The following DCAF4 variants were observed in gnomAD, a reference collection of about 807,000 sequenced individuals.
DCAF4 encodes DDB1- and CUL4-associated factor 4.
In DCAF4, 37 loss-of-function variants were observed where a neutral mutation model predicts 60.9. The ratio of observed to expected loss-of-function variants is 0.61; its 90% CI spans 0.47 to 0.80. The LOEUF is 0.80. Among genes scored for constraint, DCAF4 ranks in the 30% least tolerant of loss-of-function variants. The pLI is 0.00. For missense variants in DCAF4, 577 were observed against 650.0 expected (o/e 0.89, Z 1.22); for synonymous variants, 243 against 254.8 (o/e 0.95, Z 0.44).
intron 3 of DCAF4, 57 bp from the exon 4 acceptor site, chr14:72,940,163 C>T: frequency 6.2e-7 from 1 of 1,605,094 alleles, no homozygotes. Context: ...GGGCGCCCAA[C>T]TCAGGTGGTC....
intron 8 of DCAF4, among the ~76,000 whole-genome samples, chr14:72,948,848 A>T (rs1891067920): frequency 6.6e-6 from 1 of 152,182 alleles, no homozygotes. Flanking sequence ...GGGAAGTTAG[A>T]TGGAATTCTT....
chr14:72,928,337 G>A (rs1887959222), intron 1 of DCAF4, among the ~76,000 whole-genome samples: 2 of 151,562 alleles, frequency 1.3e-5, no homozygotes, highest in Non-Finnish European at 2.9e-5. Context: ...GAGACTACGG[G>A]CGCACGCCAC....
intron 1 of DCAF4, chr14:72,930,000 C>T (rs1888323891): frequency 1.6e-6 from 1 of 629,312 alleles, no homozygotes; most frequent in Non-Finnish European, 2.8e-6. Flanking sequence ...GGTGTTGTGG[C>T]TCGTGCCTGT....
chr14:72,954,097 C>T (rs574091656), intron 9 of DCAF4, 67 bp from the exon 10 acceptor site: 71 of 1,556,654 alleles, frequency 4.6e-5, no homozygotes, highest in Non-Finnish European at 5.3e-5. Context: ...GGATGTTTTC[C>T]GAACCCAGTG....
intron 12 of DCAF4, 49 bp downstream of exon 12, chr14:72,955,745 C>T (rs773208130): frequency 1.9e-6 from 3 of 1,538,874 alleles, no homozygotes; most frequent in Admixed American, 3.6e-5. Flanking sequence ...TGGCCCAGTG[C>T]CCTGCCAGGT....
chr14:72,946,227 CAAAAAAAA>C (rs77222663), intron 7 of DCAF4, among the ~76,000 whole-genome samples, 200 bp downstream of exon 7: 7,149 of 69,968 alleles, frequency 0.1, 238 homozygotes, highest in Non-Finnish European at 0.14. Flanking sequence ...CTTGTCTCTA[CAAAAAAAA>C]AAAAAAAAAA....
chr14:72,957,220 A>T (rs1040211565), intron 13 of DCAF4: 1 of 152,268 alleles, frequency 6.6e-6, no homozygotes, highest in Non-Finnish European at 1.5e-5. Context: ...CAAAATAAAT[A>T]AATAAATAAA....
chr14:72,960,307 G>A (rs980390456), downstream of DCAF4, among the ~76,000 whole-genome samples: 2 of 151,808 alleles, frequency 1.3e-5, no homozygotes, highest in Non-Finnish European at 2.9e-5. Context: ...GTGCCACCAC[G>A]CCTGGCTAAT....
At position 72,958,657 on chromosome 14, in the gene DCAF4, G is replaced by T; in HGVS notation, c.1340G>T (p.Arg447Leu). The change falls in exon 14 of 14, where the codon CGC becomes CTC. Residue 447 changes from arginine to leucine, a missense_variant. Arg to Leu is a moderately radical substitution (Grantham distance 102). Coordinates refer to ENST00000358377, the MANE Select transcript of DCAF4 (RefSeq NM_015604.4). ...AGAATCTGGAGCCTCCACGATGCCC[G>T]CCTACTGAGAACCATACCCTCCCCG... Reference protein sequence around the residue: ...YTRIWSLHDARLLRTIPSPYP... With the variant: ...YTRIWSLHDALLLRTIPSPYP... 2 of 1,614,112 alleles carry T rather than the reference G, an allele frequency of 1.2e-6. No homozygotes were observed. Among genetic ancestry groups the T allele is most frequent in the Non-Finnish European group, 1.7e-6 (2 of 1,180,006 alleles).
intron 6 of DCAF4, among the ~76,000 whole-genome samples, chr14:72,943,872 G>A (rs1489257553): frequency 6.6e-6 from 1 of 152,160 alleles, no homozygotes; most frequent in Non-Finnish European, 1.5e-5. Context: ...GCTAGAGATT[G>A]ACCCTGGAGG....
At position 72,941,829 on chromosome 14, in the gene DCAF4, G is replaced by C; in HGVS notation, c.431+5G>C. 6.2e-7 allele frequency: 1 copy of C among 1,613,052 alleles called. No homozygotes were observed. The highest frequency in any genetic ancestry group is 8.5e-7 in the Non-Finnish European group (1 of 1,179,490). The stretch of plus-strand genomic sequence containing the variant: ...CAACGTCACCAATTACTGCCAGTAA[G>C]ACAATGCCTCTTTGTTATGTTTTCT... On this transcript the variant is annotated splice_donor_5th_base_variant and intron_variant, in intron 5 of 13. Coordinates refer to ENST00000358377, the MANE Select transcript of DCAF4 (RefSeq NM_015604.4).
At chr14:72,952,376 A>C (rs1402201684) in intron 9 of DCAF4, among the ~76,000 whole-genome samples, 3 of 152,162 alleles carry the variant, frequency 2.0e-5, no homozygotes, top group Non-Finnish European at 4.4e-5. Flanking sequence ...CCCCTTGCCA[A>C]CTTGAATGGA....
chr14:72,955,692 G>A lies in DCAF4; in HGVS notation c.1175G>A (p.Gly392Glu), dbSNP rs1334639536. The A allele has an allele frequency of 1.2e-6, 2 of 1,613,170 alleles. No individual in the cohort carries two copies. The highest frequency in any genetic ancestry group is 2.2e-5 in the East Asian group (1 of 44,858). The change falls in exon 12 of 14, where the codon GGA (glycine) becomes GAA (glutamate). Residue 392 changes from glycine (G) to glutamate (E), a missense_variant. Transcript: ENST00000358377. ...EQYLMASDMA[G>E]KIKLWDLRTT... is the part of the protein sequence containing the mutation. ...TACCTGATGGCTTCAGACATGGCTG[G>A]AAAGGTAGGGGATCATGGACTTTCT...
At chr14:72,953,835 C>G (rs1331393814) in intron 9 of DCAF4, among the ~76,000 whole-genome samples, 4 of 128,396 alleles carry the variant, frequency 3.1e-5, no homozygotes, top group African/African-American at 1.2e-4. Context: ...TGTGTATATA[C>G]ACACACACTT....
intron 8 of DCAF4, among the ~76,000 whole-genome samples, chr14:72,950,996 T>C (rs958711500): frequency 2.0e-5 from 3 of 151,978 alleles, no homozygotes; most frequent in African/African-American, 7.2e-5. Flanking sequence ...GTATTTTATT[T>C]TTGAGACATG....
chr14:72,953,732 A>AAAAAAAAAATATATATAT (rs1555527852), intron 9 of DCAF4, among the ~76,000 whole-genome samples: 2 of 21,778 alleles, frequency 9.2e-5, no homozygotes, highest in African/African-American at 2.3e-4. Flanking sequence ...AAAAAAAAAA[A>AAAAAAAAAATATATATAT]ATATATATAT....
chr14:72,957,352 A>G (rs1054298752), intron 13 of DCAF4: 1 of 152,284 alleles, frequency 6.6e-6, no homozygotes, highest in Non-Finnish European at 1.5e-5. Flanking sequence ...GATGGTGGCT[A>G]TAGCGTAATC....
intron 2 of DCAF4, among the ~76,000 whole-genome samples, chr14:72,938,863 T>C (rs56344374): frequency 0.19 from 29,144 of 151,896 alleles, 3,607 homozygotes; most frequent in East Asian, 0.43. Flanking sequence ...TGTATGCTAG[T>C]GTAGACTTTA....
At chr14:72,955,001 G>A (rs1036923175) in intron 11 of DCAF4, among the ~76,000 whole-genome samples, 1 of 151,908 alleles carries the variant, frequency 6.6e-6, no homozygotes, top group Admixed American at 6.6e-5. Context: ...TGTAATCCCA[G>A]CTGCTCGAGA....
Sources: gnomAD v4.1 joint callset for allele counts (sites outside exome capture counted in the v4.1 genomes callset) on GRCh38, gnomAD v4.1.1 for gene constraint, MANE v1.5 for transcripts, NCBI Gene and HGNC (gene_info 2026-07-23, HGNC 2026-07-21) for gene names.